MDFIC: variants seen among roughly 807,000 people sequenced by gnomAD.
MDFIC encodes the protein myoD family inhibitor domain-containing protein.
MDFIC carries 17 observed loss-of-function variants against 23.2 expected under a neutral mutation model. That is an observed-to-expected ratio of 0.73 (90% confidence interval 0.50 to 1.10). MDFIC has a LOEUF of 1.10. Ranked by LOEUF, MDFIC falls within the 50% of genes least tolerant of loss-of-function variation. MDFIC has a pLI of 0.00. For synonymous variants in MDFIC, 120 were observed against 115.2 expected (o/e 1.04, Z -0.27); for missense variants, 356 against 316.6 (o/e 1.12, Z -0.95).
chr7:114,958,428 G>T (rs866689828), intron 3 of MDFIC, among the ~76,000 whole-genome samples: 1 of 152,150 alleles, frequency 6.6e-6, no homozygotes, highest in Non-Finnish European at 1.5e-5. Context: ...ATTGATGAAG[G>T]TTATCACCGT....
intron 2 of MDFIC, among the ~76,000 whole-genome samples, chr7:114,938,615 C>T (rs889432979): frequency 2.6e-5 from 4 of 152,122 alleles, no homozygotes; most frequent in African/African-American, 9.7e-5. Flanking sequence ...AGTAGAGGAC[C>T]ATTGGCTTAG....
chr7:114,998,161 G>T (rs556717990), intron 4 of MDFIC, among the ~76,000 whole-genome samples: 1 of 152,296 alleles, frequency 6.6e-6, no homozygotes, highest in African/African-American at 2.4e-5. Flanking sequence ...AATACAGATT[G>T]TGCAGGATGT....
intron 2 of MDFIC, among the ~76,000 whole-genome samples, chr7:114,941,167 C>A (rs146265568): frequency 1.3e-5 from 2 of 152,158 alleles, no homozygotes; most frequent in African/African-American, 4.8e-5. Flanking sequence ...AAAAGCTCAC[C>A]AAGTGAATTA....
intron 4 of MDFIC, among the ~76,000 whole-genome samples, chr7:115,006,786 T>C (rs966595722): frequency 6.6e-6 from 1 of 152,220 alleles, no homozygotes; most frequent in Non-Finnish European, 1.5e-5. Context: ...ACATTGATCC[T>C]TTCTGGGAAA....
At chr7:114,980,783 G>A (rs932531269) in intron 4 of MDFIC, among the ~76,000 whole-genome samples, 2 of 152,144 alleles carry the variant, frequency 1.3e-5, no homozygotes, top group African/African-American at 4.8e-5. Context: ...GAATGCCTCT[G>A]TGAAGTTGGT....
In MDFIC at chr7:114,991,062, C is replaced by A. The variant is rs971543550; in HGVS notation, c.493+11281C>A. ...CATTCTAACTGGTGTGAGATGGTAT[C>A]TCATTGTGGTTTTGATTTGCATTTC... On this transcript the variant is annotated intron_variant, in intron 4 of 4. Transcript: ENST00000393486. Among the ~76,000 whole-genome samples the A allele has an allele frequency of 1.2e-3, 184 of 152,118 alleles. 1 individual carries two copies. Among genetic ancestry groups the A allele is most frequent in the African/African-American group, 4.2e-3 (176 of 41,516 alleles).
chr7:114,925,402 A>G (rs1323381003), intron 2 of MDFIC, among the ~76,000 whole-genome samples: 1 of 152,218 alleles, frequency 6.6e-6, no homozygotes, highest in East Asian at 1.9e-4. Flanking sequence ...AGTGAAGCCC[A>G]TTCTAGTATT....
rs1793385594 is a variant in MDFIC, at chr7:114,979,732, G to T, written c.444G>T (p.Lys148Asn). The change falls in exon 4 of 5, where the codon AAG becomes AAT. Residue 148 changes from lysine to asparagine, a missense_variant. By Grantham distance (94) the Lys-to-Asn change is moderately conservative. Transcript: ENST00000393486. ...SLSVNSDISK[K>N]SKVNAVFSQK... ...CTGTAAACAGCGATATCAGTAAGAA[G>T]AGCAAAGTAAATGCTGTCTTTTCCC... The T allele has an allele frequency of 6.2e-7, 1 of 1,614,128 alleles. No homozygotes were observed. The highest frequency in any genetic ancestry group is 8.5e-7 in the Non-Finnish European group (1 of 1,179,994).
Position 115,016,297 on chromosome 7 carries a change from AC to A in MDFIC, c.*363del. 4.4e-6 allele frequency: 1 copy of A among 228,020 alleles called. No homozygotes were observed. The highest frequency in any genetic ancestry group is 8.7e-6 in the Non-Finnish European group (1 of 114,578). The allele number at this position is 228,020 out of a possible 1,614,324, so 14.1% of individuals were successfully genotyped here. On this transcript the variant is annotated 3_prime_UTR_variant, in exon 5 of 5. Coordinates refer to ENST00000393486, the MANE Select transcript of MDFIC (RefSeq NM_001166345.3). ...ATATTATTTTTCAGTGTGTATTTAA[AC>A]GAGGCAGTTTATTTTGATATGTATC... is the stretch of plus-strand genomic sequence containing the variant.
At chr7:114,998,462 T>C (rs1791390139) in intron 4 of MDFIC, among the ~76,000 whole-genome samples, 1 of 152,150 alleles carries the variant, frequency 6.6e-6, no homozygotes, top group Non-Finnish European at 1.5e-5. Flanking sequence ...TTAAATCAGC[T>C]GGACTAAAGA....
chr7:114,946,438 T>C (rs1326245755), intron 3 of MDFIC, among the ~76,000 whole-genome samples: 1 of 152,192 alleles, frequency 6.6e-6, no homozygotes, highest in Non-Finnish European at 1.5e-5. Flanking sequence ...AACTTTATCC[T>C]TGGACATTGC....
At chr7:115,012,473 G>A (rs970282559) in intron 4 of MDFIC, among the ~76,000 whole-genome samples, 1 of 152,162 alleles carries the variant, frequency 6.6e-6, no homozygotes, top group Non-Finnish European at 1.5e-5. Flanking sequence ...TACTTGGTTT[G>A]TGGGAGTAAA....
chr7:114,922,863 G>A, intron 1 of MDFIC, 64 bp from the exon 2 acceptor site: 1 of 1,496,772 alleles, frequency 6.7e-7, no homozygotes, highest in Non-Finnish European at 9.0e-7. Flanking sequence ...GGAACGTCCC[G>A]CAGGGGTGGT....
At chr7:114,946,362 C>T (rs935874019) in intron 3 of MDFIC, among the ~76,000 whole-genome samples, 1 of 152,026 alleles carries the variant, frequency 6.6e-6, no homozygotes, top group Non-Finnish European at 1.5e-5. Flanking sequence ...CTTTGTTCCT[C>T]TTTATAAAGT....
chr7:114,935,075 A>G (rs768313448), intron 2 of MDFIC, among the ~76,000 whole-genome samples: 1 of 152,078 alleles, frequency 6.6e-6, no homozygotes, highest in African/African-American at 2.4e-5. Flanking sequence ...GAAAATACAG[A>G]CCTAGTTTTT....
chr7:114,955,961 C>G (rs1335177194), intron 3 of MDFIC, among the ~76,000 whole-genome samples: 2 of 152,124 alleles, frequency 1.3e-5, no homozygotes, highest in African/African-American at 4.8e-5. Context: ...AGTCAAGCAA[C>G]TGACCTGGGG....
In MDFIC at chr7:114,973,143, G is replaced by A. The variant is rs73443302; in HGVS notation, c.218-6363G>A. Among the ~76,000 whole-genome samples the A allele has an allele frequency of 5.5e-3, 827 of 151,148 alleles. 5 individuals are homozygous for A. The highest frequency in any genetic ancestry group is 0.019 in the African/African-American group (768 of 41,192). ...TATATGAATATATGTGTATATATGT[G>A]TATATTCACAGTACATAGTTGTTAA... On this transcript the variant is annotated intron_variant, in intron 3 of 4. Coordinates refer to ENST00000393486, the MANE Select transcript of MDFIC (RefSeq NM_001166345.3).
chr7:114,969,464 G>A (rs1160276266), intron 3 of MDFIC, among the ~76,000 whole-genome samples: 3 of 152,116 alleles, frequency 2.0e-5, no homozygotes, highest in Non-Finnish European at 4.4e-5. Context: ...TAAGAATATA[G>A]GATCTTGTAC....
intron 4 of MDFIC, among the ~76,000 whole-genome samples, chr7:114,997,167 T>G (rs1463834163): frequency 1.3e-5 from 2 of 152,110 alleles, no homozygotes; most frequent in Admixed American, 1.3e-4. Flanking sequence ...AAAGAAAAAT[T>G]GCAAATTGCA....
Sources: allele counts gnomAD v4.1 joint callset (sites outside exome capture counted in the v4.1 genomes callset), GRCh38; gene constraint gnomAD v4.1.1; transcripts MANE v1.5; gene names NCBI Gene and HGNC (gene_info 2026-07-23, HGNC 2026-07-21).